The following RNF19A variants were observed in gnomAD, a reference collection of about 807,000 sequenced individuals.
The protein encoded by RNF19A is ring finger protein 19A, RBR E3 ubiquitin protein ligase.
In RNF19A, 32 loss-of-function variants were observed where a neutral mutation model predicts 75.7. The ratio of observed to expected loss-of-function variants is 0.42; its 90% CI spans 0.32 to 0.57. RNF19A has a LOEUF of 0.57. Ranked by LOEUF, RNF19A falls within the 20% of genes least tolerant of loss-of-function variation. RNF19A has a pLI of 0.10. For missense variants in RNF19A, 782 were observed against 1,036.3 expected, an observed-to-expected ratio of 0.75 and a Z score of 3.37; for synonymous variants, 335 against 345.2, an observed-to-expected ratio of 0.97 and a Z score of 0.33.
At position 100,331,500 on chromosome 8, in the gene RNF19A, G is replaced by A. The variant is rs1464495515; in HGVS notation, c.-243+4608C>T. 6.6e-6 allele frequency among the ~76,000 whole-genome samples: 1 copy of A among 152,070 alleles called. No homozygotes were observed. The highest frequency in any genetic ancestry group is 1.5e-5 in the Non-Finnish European group (1 of 68,024). On this transcript the variant is annotated intron_variant, in intron 1 of 3. Transcript: ENST00000519527. The surrounding 1 kb of genome is among the most constrained non-coding windows in gnomAD (Gnocchi z 5.2). ...AATATTTTAAAAAGTAGCTGGGCAT[G>A]GTGGCATGCACCAGCAGTCCCAGCT...
intron 1 of RNF19A, among the ~76,000 whole-genome samples, chr8:100,301,652 T>C (rs1031874710): frequency 7.2e-5 from 11 of 152,214 alleles, no homozygotes; most frequent in African/African-American, 2.7e-4. Flanking sequence ...CCAACTCCTA[T>C]CTTATCTCCA....
At chr8:100,335,943 A>G (rs768991899) in intron 1 of RNF19A, among the ~76,000 whole-genome samples, 1 of 152,220 alleles carries the variant, frequency 6.6e-6, no homozygotes, top group Non-Finnish European at 1.5e-5. Context: ...CGCTTTCTAT[A>G]CTATGAACCA....
chr8:100,323,713 T>C lies in RNF19A; in HGVS notation c.-242-10341A>G, dbSNP rs1327662004. Among the ~76,000 whole-genome samples, 1 of 152,218 alleles carries C rather than the reference T, an allele frequency of 6.6e-6. No individual in the cohort carries two copies. The highest frequency in any genetic ancestry group is 1.5e-5 in the Non-Finnish European group (1 of 68,042). On this transcript the variant is annotated intron_variant, in intron 1 of 3. Coordinates refer to the RNF19A transcript ENST00000519527. This position sits in a 1 kb window ranked among gnomAD's most constrained non-coding sequence, Gnocchi z 4.6. Reference sequence around the variant, plus strand: ...TGGCTAATTGAAAGTTTGTGTGATATGAAAAGATAGGCAAGAGATGACATA... The same window carrying C: ...TGGCTAATTGAAAGTTTGTGTGATACGAAAAGATAGGCAAGAGATGACATA...
intron 1 of RNF19A, among the ~76,000 whole-genome samples, chr8:100,296,249 C>T (rs745406883): frequency 4.0e-4 from 61 of 152,238 alleles, no homozygotes; most frequent in Non-Finnish European, 7.4e-4. Flanking sequence ...TGACTACAGG[C>T]ACGTGCCACC....
At chr8:100,312,376 G>A (rs1435654526), upstream of RNF19A, 1 of 152,146 alleles carries the variant, frequency 6.6e-6, no homozygotes, top group Admixed American at 6.6e-5. Flanking sequence ...AGCAGAGGTG[G>A]TTGGATCACT....
chr8:100,315,904 C>T (rs755229606), intron 1 of RNF19A, among the ~76,000 whole-genome samples: 8 of 152,230 alleles, frequency 5.3e-5, no homozygotes, highest in Non-Finnish European at 7.3e-5. Flanking sequence ...TTTCCACAAG[C>T]TCTCCAGGTA....
At chr8:100,310,297 C>T (rs528431787), upstream of RNF19A, 32 of 961,726 alleles carry the variant, frequency 3.3e-5, 1 homozygote, top group African/African-American at 5.3e-4. Context: ...AGCCGCCCCG[C>T]TGCACCCGGG....
rs375748151 is a variant in RNF19A at position 100,283,498 on chromosome 8, G to A, written c.674+4003C>T. 1.3e-4 allele frequency among the ~76,000 whole-genome samples: 20 copies of A among 152,226 alleles called. No individual in the cohort carries two copies. In the South Asian group the frequency reaches 4.2e-3, roughly 32 times the overall value. On this transcript the variant is annotated intron_variant, in intron 2 of 9. Transcript: ENST00000341084. ...TCACAGCACTCAAATTTGGTCCCCTGGGCCCCTCCTCAAGTGGGATTTTTA... is the reference window on the plus strand; with the variant it reads ...TCACAGCACTCAAATTTGGTCCCCTAGGCCCCTCCTCAAGTGGGATTTTTA...
In RNF19A at chr8:100,332,950, T is replaced by C. The variant is rs1266940141; in HGVS notation, c.-243+3158A>G. 6.6e-6 allele frequency among the ~76,000 whole-genome samples: 1 copy of C among 152,238 alleles called. No homozygotes were observed. Among genetic ancestry groups the C allele is most frequent in the Non-Finnish European group, 1.5e-5 (1 of 68,040 alleles). ...TTGCTGTTTAATCTTTCATTTTGTC[T>C]ATGGGTTCTCTTTTTGCTTTGTCTT... On this transcript the variant is annotated intron_variant, in intron 1 of 3. Coordinates refer to the RNF19A transcript ENST00000519527. The surrounding 1 kb of genome is among the most constrained non-coding windows in gnomAD (Gnocchi z 4.8).
chr8:100,334,992 C>A (rs1172896441), intron 1 of RNF19A, among the ~76,000 whole-genome samples: 1 of 152,204 alleles, frequency 6.6e-6, no homozygotes, highest in African/African-American at 2.4e-5. Context: ...AAACAATACC[C>A]TGTTGTTATA....
chr8:100,323,889 G>A lies in RNF19A; in HGVS notation c.-242-10517C>T, dbSNP rs938596304. Among the ~76,000 whole-genome samples, 9 of 152,098 alleles carry A rather than the reference G, an allele frequency of 5.9e-5. No individual in the cohort carries two copies. The highest frequency in any genetic ancestry group is 1.9e-4 in the African/African-American group (8 of 41,410). On this transcript the variant is annotated intron_variant, in intron 1 of 3. Transcript: ENST00000519527. The surrounding 1 kb of genome is among the most constrained non-coding windows in gnomAD (Gnocchi z 4.6). ...GTGCCAAACCAACATTCCTGTCAACGATCAAAGAAAGTAAGATTTTTAAAT... is the reference window on the plus strand; with the variant it reads ...GTGCCAAACCAACATTCCTGTCAACAATCAAAGAAAGTAAGATTTTTAAAT...
Position 100,333,503 on chromosome 8 carries a change from G to A in RNF19A, c.-243+2605C>T, listed in dbSNP as rs187226080. Among the ~76,000 whole-genome samples the A allele has an allele frequency of 9.4e-4, 143 of 152,294 alleles. No individual in the cohort carries two copies. Among genetic ancestry groups the A allele is most frequent in the Non-Finnish European group, 1.7e-3 (115 of 68,028 alleles). ...CAAGATTCAAGATTGCTTATACAGC[G>A]AGATCAGTACCATATAAAAGTATAT... On this transcript the variant is annotated intron_variant, in intron 1 of 3. Coordinates refer to the RNF19A transcript ENST00000519527. This position sits in a 1 kb window ranked among gnomAD's most constrained non-coding sequence, Gnocchi z 4.7.
intron 1 of RNF19A, among the ~76,000 whole-genome samples, chr8:100,319,310 TTC>T (rs1491481504): frequency 2.8e-4 from 37 of 134,060 alleles, no homozygotes; most frequent in East Asian, 7.0e-4. Context: ...GAAAGTTTTT[TTC>T]TTTTTTAACA....
intron 1 of RNF19A, among the ~76,000 whole-genome samples, chr8:100,304,173 G>A (rs980488095): frequency 3.3e-5 from 5 of 152,062 alleles, no homozygotes; most frequent in Admixed American, 2.0e-4. Flanking sequence ...TGTTGGCCAG[G>A]CTGGTCTCGA....
chr8:100,265,128 C>T (rs1229896252), intron 5 of RNF19A, among the ~76,000 whole-genome samples: 1 of 152,184 alleles, frequency 6.6e-6, no homozygotes, highest in African/African-American at 2.4e-5. Flanking sequence ...TTATGAGTTA[C>T]ATGGTTCACC....
chr8:100,305,437 C>T lies in RNF19A; in HGVS notation c.-94+4430G>A, dbSNP rs140704903. On this transcript the variant is annotated intron_variant, in intron 1 of 9. Coordinates refer to ENST00000341084, the MANE Select transcript of RNF19A (RefSeq NM_183419.4). ...GTCATACAAAACGCCCCTAGAGCTA[C>T]GCTGTCCAATATGAATAAAAGTACG... Among the ~76,000 whole-genome samples, 17 of 152,340 alleles carry T rather than the reference C, an allele frequency of 1.1e-4. No individual in the cohort carries two copies. In the East Asian group the frequency reaches 2.9e-3, roughly 26 times the overall value.
intron 1 of RNF19A, among the ~76,000 whole-genome samples, chr8:100,326,573 C>T (rs1822536735): frequency 6.6e-6 from 1 of 152,158 alleles, no homozygotes; most frequent in Non-Finnish European, 1.5e-5. Context: ...TCCTGCTTTA[C>T]TGATACCATT....
Position 100,333,539 on chromosome 8 carries a change from A to C in RNF19A, c.-243+2569T>G, listed in dbSNP as rs778777134. Among the ~76,000 whole-genome samples, 1 of 152,240 alleles carries C rather than the reference A, an allele frequency of 6.6e-6. No individual in the cohort carries two copies. The highest frequency in any genetic ancestry group is 2.4e-5 in the African/African-American group (1 of 41,462). On this transcript the variant is annotated intron_variant, in intron 1 of 3. Transcript: ENST00000519527. The surrounding 1 kb of genome is among the most constrained non-coding windows in gnomAD (Gnocchi z 4.7). ...CATATAAAAGTATATCAAAATCAGA[A>C]AGAAATATGTCAAAGCAGCAGTTAC... is the stretch of plus-strand genomic sequence containing the variant.
chr8:100,292,499 A>G (rs1186134201), intron 1 of RNF19A, among the ~76,000 whole-genome samples: 1 of 150,294 alleles, frequency 6.7e-6, no homozygotes, highest in Non-Finnish European at 1.5e-5. Context: ...CTATATGGCA[A>G]TTTTCCAATG....
Sources: gnomAD v4.1 joint callset for allele counts (sites outside exome capture counted in the v4.1 genomes callset) on GRCh38, gnomAD v4.1.1 for gene constraint, Gnocchi (gnomAD v3.1) non-coding constraint, MANE v1.5 for transcripts, NCBI Gene and HGNC (gene_info 2026-07-23, HGNC 2026-07-21) for gene names.